Variants in RAVER2 observed in about 807,000 individuals in gnomAD.
The protein encoded by RAVER2 is ribonucleoprotein PTB-binding 2.
Under a neutral mutation model 78.1 loss-of-function variants are expected in RAVER2, and 46 were observed. The ratio of observed to expected loss-of-function variants is 0.59; its 90% CI spans 0.46 to 0.75. RAVER2 has a LOEUF of 0.75. Ranked by LOEUF, RAVER2 falls within the 30% of genes least tolerant of loss-of-function variation. The pLI, the probability that RAVER2 is intolerant of heterozygous loss-of-function variation, is 0.00. For synonymous variants in RAVER2, 311 were observed against 313.3 expected (o/e 0.99, Z 0.08); for missense variants, 793 against 837.5 (o/e 0.95, Z 0.66).
intron 1 of RAVER2, among the ~76,000 whole-genome samples, chr1:64,758,403 G>A (rs1315271555): frequency 6.6e-6 from 1 of 152,122 alleles, no homozygotes; most frequent in African/African-American, 2.4e-5. Context: ...GATTATCTAG[G>A]TGGGCCCAAT....
chr1:64,814,806 T>C lies in RAVER2; in HGVS notation c.1895T>C (p.Ile632Thr), dbSNP rs755444532. 58 of 1,584,962 alleles carry C rather than the reference T, an allele frequency of 3.7e-5. No homozygotes were observed. In the South Asian group the frequency reaches 6.6e-4, roughly 18 times the overall value. ...TCACAACACGCATTGGAAAAGTGCA[T>C]TGCTTATTCTCCACCTTTTGGTGAT... The change falls in exon 11 of 12, where the codon ATT (isoleucine) becomes ACT (threonine). Residue 632 changes from isoleucine to threonine, a missense_variant. Physicochemically the swap from Ile to Thr is moderately conservative, Grantham distance 89. Transcript: ENST00000294428.
intron 11 of RAVER2, among the ~76,000 whole-genome samples, chr1:64,823,454 T>TA (rs1022768679): frequency 2.0e-5 from 3 of 152,236 alleles, no homozygotes; most frequent in Admixed American, 6.5e-5. Context: ...ATTTGTAGTA[T>TA]ACACTCTAGC....
chr1:64,783,859 C>T (rs1378060726), intron 4 of RAVER2, among the ~76,000 whole-genome samples: 1 of 152,206 alleles, frequency 6.6e-6, no homozygotes, highest in African/African-American at 2.4e-5. Context: ...AGCTTCTGCA[C>T]AGCAAAAGAT....
At position 64,780,730 on chromosome 1, in the gene RAVER2, T is replaced by C. The variant is rs1652603993; in HGVS notation, c.787-650T>C. Among the ~76,000 whole-genome samples, 3 of 152,198 alleles carry C rather than the reference T, an allele frequency of 2.0e-5. No homozygotes were observed. In the South Asian group the frequency reaches 6.2e-4, roughly 31 times the overall value. On this transcript the variant is annotated intron_variant, in intron 3 of 11. Coordinates refer to ENST00000294428, the Ensembl canonical transcript of RAVER2. ...ACCAGTCTTTTCAGATCCAGGACTT[T>C]AGTATCTTCCATTACACTCTTACAG...
chr1:64,807,137 A>G, intron 8 of RAVER2, 69 bp from the exon 9 acceptor site: 1 of 1,497,602 alleles, frequency 6.7e-7, no homozygotes. Flanking sequence ...TAACTTAACA[A>G]AATTAAAAGG....
rs192197752 is a variant in RAVER2 at position 64,780,993 on chromosome 1, A to G, written c.787-387A>G. On this transcript the variant is annotated intron_variant, in intron 3 of 11. Transcript: ENST00000294428. ...TTTATTTTCCATTGATGTGTGGTCAAATAATTTGTTCAGTATGTTTCACTG... is the reference window on the plus strand; with the variant it reads ...TTTATTTTCCATTGATGTGTGGTCAGATAATTTGTTCAGTATGTTTCACTG... 2.5e-3 allele frequency among the ~76,000 whole-genome samples: 374 copies of G among 152,312 alleles called. 2 individuals carry two copies. The highest frequency in any genetic ancestry group is 8.4e-3 in the African/African-American group (351 of 41,566).
Position 64,771,490 on chromosome 1 carries a change from C to T in RAVER2, c.316+2768C>T, listed in dbSNP as rs117181211. On this transcript the variant is annotated intron_variant, in intron 2 of 11. Transcript: ENST00000294428. ...GACCTACCCAACAAAATGATGAATA[C>T]GTGATATGGTCATTACGTGGGTAAA... Among the ~76,000 whole-genome samples, 279 of 151,936 alleles carry T rather than the reference C, an allele frequency of 1.8e-3. 1 individual carries two copies. The highest frequency in any genetic ancestry group is 0.017 in the East Asian group (87 of 5,176).
At chr1:64,813,183 A>G (rs1653667468) in intron 10 of RAVER2, among the ~76,000 whole-genome samples, 1 of 152,210 alleles carries the variant, frequency 6.6e-6, no homozygotes, top group Non-Finnish European at 1.5e-5. Context: ...TACATTTTGG[A>G]GGAAACCCTC....
At chr1:64,749,549 C>T (rs1248288920) in intron 1 of RAVER2, among the ~76,000 whole-genome samples, 2 of 152,160 alleles carry the variant, frequency 1.3e-5, no homozygotes, top group African/African-American at 4.8e-5. Flanking sequence ...TATCAAACTA[C>T]CTAGATCCCC....
At chr1:64,763,505 A>G (rs1652081792) in intron 1 of RAVER2, among the ~76,000 whole-genome samples, 1 of 152,146 alleles carries the variant, frequency 6.6e-6, no homozygotes, top group African/African-American at 2.4e-5. Flanking sequence ...GACAGGCAAG[A>G]CCAGGTGTTG....
intron 1 of RAVER2, among the ~76,000 whole-genome samples, chr1:64,756,470 A>G (rs1252438238): frequency 6.6e-6 from 1 of 151,968 alleles, no homozygotes; most frequent in Non-Finnish European, 1.5e-5. Flanking sequence ...TTTGTTTTAG[A>G]TTTGGAGAGT....
intron 2 of RAVER2, among the ~76,000 whole-genome samples, chr1:64,770,322 A>G (rs1471454252): frequency 6.6e-6 from 1 of 152,038 alleles, no homozygotes; most frequent in Non-Finnish European, 1.5e-5. Flanking sequence ...CTCATAATTC[A>G]TGGGGCATTA....
intron 2 of RAVER2, 74 bp from the exon 3 acceptor site, chr1:64,777,549 C>A: frequency 1.6e-6 from 2 of 1,252,672 alleles, no homozygotes; most frequent in Non-Finnish European, 2.2e-6. Context: ...TACCAAGTCA[C>A]AGAAGTAAGA....
intron 1 of RAVER2, among the ~76,000 whole-genome samples, chr1:64,762,234 C>A (rs1355712888): frequency 1.3e-5 from 2 of 152,120 alleles, no homozygotes; most frequent in South Asian, 2.1e-4. Context: ...AATCTCTACA[C>A]TGAAGACTAT....
At chr1:64,781,530 G>C in exon 4 of RAVER2, 1 of 1,614,120 alleles carries the variant, frequency 6.2e-7, no homozygotes, top group Non-Finnish European at 8.5e-7. Context: ...TGGAGCGCCA[G>C]GGCGAAGTAC....
intron 11 of RAVER2, among the ~76,000 whole-genome samples, chr1:64,830,506 G>A (rs975716246): frequency 1.3e-5 from 2 of 152,182 alleles, no homozygotes; most frequent in Non-Finnish European, 2.9e-5. Context: ...CTGACATTCG[G>A]TGTTGATATT....
intron 9 of RAVER2, among the ~76,000 whole-genome samples, chr1:64,808,943 G>A (rs944977809): frequency 1.3e-5 from 2 of 152,076 alleles, no homozygotes; most frequent in African/African-American, 2.4e-5. Context: ...TCACATAATG[G>A]GCAAATGAGT....
At chr1:64,823,901 G>A (rs188067265) in intron 11 of RAVER2, among the ~76,000 whole-genome samples, 4 of 150,832 alleles carry the variant, frequency 2.7e-5, no homozygotes, top group Non-Finnish European at 5.9e-5. Context: ...CCACCTCCTG[G>A]GTTCAAGTGA....
intron 1 of RAVER2, among the ~76,000 whole-genome samples, chr1:64,748,788 G>A (rs907424020): frequency 1.3e-5 from 2 of 152,114 alleles, no homozygotes; most frequent in Non-Finnish European, 2.9e-5. Flanking sequence ...AGATTCTTAG[G>A]CTTTTTGTGT....
Sources: gnomAD v4.1 joint callset for allele counts (sites outside exome capture counted in the v4.1 genomes callset) on GRCh38, gnomAD v4.1.1 for gene constraint, MANE v1.5 for transcripts, NCBI Gene and HGNC (gene_info 2026-07-23, HGNC 2026-07-21) for gene names.